GNAL: variants seen among roughly 807,000 people sequenced by gnomAD.
GNAL encodes guanine nucleotide-binding protein G(olf) subunit alpha.
GNAL carries 18 observed loss-of-function variants against 55.1 expected under a neutral mutation model. That is an observed-to-expected ratio of 0.33 (90% CI 0.23 to 0.48). The LOEUF is 0.48. Among genes scored for constraint, GNAL ranks in the 20% least tolerant of loss-of-function variants. The pLI is 0.99. For missense variants in GNAL, 412 were observed against 614.1 expected, an observed-to-expected ratio of 0.67 and a Z score of 3.48; for synonymous variants, 253 against 237.0, an observed-to-expected ratio of 1.07 and a Z score of -0.62.
intron 4 of GNAL, among the ~76,000 whole-genome samples, chr18:11,796,453 G>A (rs751540809): frequency 5.3e-5 from 8 of 151,734 alleles, no homozygotes; most frequent in South Asian, 2.1e-4. Flanking sequence ...GGTGGCGGGC[G>A]CCTGTAGTCC....
rs1264080311 is a variant in GNAL, at chr18:11,788,329, T to G, written c.624+34384T>G. Among the ~76,000 whole-genome samples the G allele has an allele frequency of 2.0e-5, 3 of 152,170 alleles. No individual in the cohort carries two copies. The East Asian group carries it at 5.8e-4, about 29-fold the overall frequency. ...GGCAGTCACAACGCAACACCTAGTG[T>G]GGCTCTCAAGGCATAACCAGAGTTA... On this transcript the variant is annotated intron_variant, in intron 4 of 11. Transcript: ENST00000334049.
chr18:11,711,272 C>T (rs915586571), intron 1 of GNAL, among the ~76,000 whole-genome samples: 6 of 152,142 alleles, frequency 3.9e-5, no homozygotes, highest in Admixed American at 1.3e-4. Flanking sequence ...ATGTTTTGAC[C>T]ATTATTTCTT....
At chr18:11,769,052 A>G (rs1433966723) in intron 4 of GNAL, among the ~76,000 whole-genome samples, 1 of 104,232 alleles carries the variant, frequency 9.6e-6, no homozygotes, top group Non-Finnish European at 1.7e-5. Flanking sequence ...TATAATATAT[A>G]TAATATATAT....
At chr18:11,838,374 G>A (rs1378196116) in intron 5 of GNAL, among the ~76,000 whole-genome samples, 2 of 152,162 alleles carry the variant, frequency 1.3e-5, no homozygotes, top group Non-Finnish European at 2.9e-5. Context: ...AGACAGAGTA[G>A]ACGAATGTTG....
chr18:11,864,649 T>A (rs912127630), intron 7 of GNAL, 43 bp downstream of exon 7: 12 of 1,044,184 alleles, frequency 1.1e-5, no homozygotes, highest in Non-Finnish European at 1.8e-5. Flanking sequence ...GGCCACATGA[T>A]GTCCCAGAGC....
rs147788028 is a variant in GNAL at position 11,705,872 on chromosome 18, T to C, written c.376+15933T>C. On this transcript the variant is annotated intron_variant, in intron 1 of 11. Coordinates refer to ENST00000334049, the MANE Select transcript of GNAL (RefSeq NM_182978.4). ...CCAGGTCCAGGCGATTCCCCTGCCT[T>C]AGCCTCCTGAGTGGCTGGGATTACA... Among the ~76,000 whole-genome samples, 931 of 151,700 alleles carry C rather than the reference T, an allele frequency of 6.1e-3. 4 individuals carry two copies. The highest frequency in any genetic ancestry group is 0.021 in the African/African-American group (872 of 41,362).
intron 1 of GNAL, among the ~76,000 whole-genome samples, chr18:11,742,885 GC>G (rs2032609563): frequency 6.6e-6 from 1 of 152,234 alleles, no homozygotes; most frequent in Non-Finnish European, 1.5e-5. Context: ...AGTGGGCTGT[GC>G]TAGTCCTATT....
chr18:11,754,995 T>C (rs894980741), intron 4 of GNAL, among the ~76,000 whole-genome samples: 5 of 75,354 alleles, frequency 6.6e-5, no homozygotes, highest in Non-Finnish European at 1.1e-4. Context: ...GAAGTGAGTG[T>C]GTATGTGTGT....
Position 11,692,655 on chromosome 18 carries a change from G to A in GNAL, c.376+2716G>A, listed in dbSNP as rs552590402. The stretch of plus-strand genomic sequence containing the variant: ...AAATAGAGACACAGCGGTGGCTCAC[G>A]CCTGTAATCCCAGCACTTTGAGAAG... On this transcript the variant is annotated intron_variant, in intron 1 of 11. Coordinates refer to ENST00000334049, the MANE Select transcript of GNAL (RefSeq NM_182978.4). Among the ~76,000 whole-genome samples, 6 of 150,592 alleles carry A rather than the reference G, an allele frequency of 4.0e-5. No individual in the cohort carries two copies. In the South Asian group the frequency reaches 1.3e-3, roughly 33 times the overall value.
At chr18:11,851,457 T>C in intron 5 of GNAL, 1 of 1,475,414 alleles carries the variant, frequency 6.8e-7, no homozygotes, top group Non-Finnish European at 8.9e-7. Context: ...CCTTACCTTC[T>C]CTGCCTTCGG....
chr18:11,870,278 T>G (rs2036366416), intron 9 of GNAL, among the ~76,000 whole-genome samples: 1 of 152,192 alleles, frequency 6.6e-6, no homozygotes, highest in Non-Finnish European at 1.5e-5. Context: ...CCCAGCACTT[T>G]GGGAGGCCAA....
At chr18:11,874,787 C>T (rs1286210448) in intron 10 of GNAL, among the ~76,000 whole-genome samples, 2 of 150,554 alleles carry the variant, frequency 1.3e-5, no homozygotes, top group Non-Finnish European at 3.0e-5. Context: ...GGCAGAGACC[C>T]ACAGCGGTTG....
At chr18:11,836,221 C>T (rs1238350783) in intron 5 of GNAL, among the ~76,000 whole-genome samples, 1 of 151,884 alleles carries the variant, frequency 6.6e-6, no homozygotes, top group African/African-American at 2.4e-5. Flanking sequence ...CCGAGGTGGG[C>T]GGATCCCCTG....
intron 5 of GNAL, among the ~76,000 whole-genome samples, chr18:11,862,099 C>T (rs1334131568): frequency 6.6e-6 from 1 of 151,994 alleles, no homozygotes; most frequent in African/African-American, 2.4e-5. Flanking sequence ...AGGCTCCATG[C>T]TCTCTCCCAG....
intron 5 of GNAL, among the ~76,000 whole-genome samples, chr18:11,836,336 C>T (rs1181741684): frequency 2.0e-5 from 3 of 152,022 alleles, no homozygotes; most frequent in East Asian, 3.9e-4. Flanking sequence ...ATCCCAGCTA[C>T]TCAGGAGGCT....
intron 4 of GNAL, among the ~76,000 whole-genome samples, chr18:11,803,043 T>C (rs1163897311): frequency 6.6e-6 from 1 of 152,182 alleles, no homozygotes; most frequent in Non-Finnish European, 1.5e-5. Flanking sequence ...TTGTTTTTGT[T>C]TTGTTTTCAT....
At chr18:11,857,817 TC>T in intron 5 of GNAL, 1 of 769,642 alleles carries the variant, frequency 1.3e-6, no homozygotes, top group Non-Finnish European at 1.6e-6. Flanking sequence ...CAGTACGAAC[TC>T]CTGGGCTCCA....
intron 5 of GNAL, among the ~76,000 whole-genome samples, chr18:11,838,137 A>T (rs1459415585): frequency 6.6e-6 from 1 of 152,198 alleles, no homozygotes; most frequent in Non-Finnish European, 1.5e-5. Flanking sequence ...TCTCAAAAAA[A>T]AGCGTTAACG....
chr18:11,705,321 A>G (rs578093584), intron 1 of GNAL, among the ~76,000 whole-genome samples: 3 of 152,246 alleles, frequency 2.0e-5, no homozygotes, highest in African/African-American at 7.2e-5. Context: ...ATTCCATTGT[A>G]TGTATGTTCC....
Sources: allele counts gnomAD v4.1 joint callset (sites outside exome capture counted in the v4.1 genomes callset), GRCh38; gene constraint gnomAD v4.1.1; transcripts MANE v1.5; gene names NCBI Gene and HGNC (gene_info 2026-07-23, HGNC 2026-07-21).